Variants in ONECUT3 observed in about 807,000 individuals in gnomAD.
ONECUT3 encodes one cut domain family member 3.
ONECUT3 carries 11 observed loss-of-function variants against 16.8 expected under a neutral mutation model. The observed-to-expected ratio is 0.66, with a 90% CI of 0.41 to 1.09. The LOEUF is 1.09. Ranked by LOEUF, ONECUT3 falls within the 50% of genes least tolerant of loss-of-function variation. The pLI is 0.00. For missense variants in ONECUT3, 637 were observed against 629.9 expected, an observed-to-expected ratio of 1.01 and a Z score of -0.12; for synonymous variants, 344 against 310.7, an observed-to-expected ratio of 1.11 and a Z score of -1.13.
intron 1 of ONECUT3, among the ~76,000 whole-genome samples, chr19:1,761,121 C>G (rs1387322914): frequency 6.8e-6 from 1 of 148,082 alleles, no homozygotes; most frequent in East Asian, 2.0e-4. Context: ...GGCGCAACCT[C>G]GGCTCACTGC....
intron 1 of ONECUT3, among the ~76,000 whole-genome samples, chr19:1,768,153 G>C (rs1488223027): frequency 6.6e-6 from 1 of 152,116 alleles, no homozygotes; most frequent in African/African-American, 2.4e-5. Context: ...CCTGGACAGA[G>C]CAGGTGAATT....
chr19:1,753,744 G>T lies in ONECUT3; in HGVS notation c.82G>T (p.Ala28Ser), dbSNP rs986948653. 5.1e-5 allele frequency: 52 copies of T among 1,019,580 alleles called. No homozygotes were observed. In the Admixed American group the frequency reaches 1.4e-3, roughly 28 times the overall value. 63.2% of individuals were successfully genotyped at this position (1,019,580 alleles called of 1,614,324 possible). Residue 28 changes from alanine to serine, a missense_variant, in exon 1 of 2, where the codon GCG becomes TCG. Ala to Ser is a moderately conservative substitution (Grantham distance 99). This residue lies in a region of ONECUT3 where 419 missense variants were observed against 377.9 expected (regional missense o/e 1.11). Transcript: ENST00000382349. ...QAGELLSPGH[A>S]RSAAAQHRGL... is the part of the protein sequence containing the mutation. ...GGGCGAGCTGCTGAGCCCGGGCCACGCGCGCTCGGCGGCGGCGCAGCACCG... is the reference window on the plus strand; with the variant it reads ...GGGCGAGCTGCTGAGCCCGGGCCACTCGCGCTCGGCGGCGGCGCAGCACCG...
intron 1 of ONECUT3, among the ~76,000 whole-genome samples, chr19:1,774,417 CAAA>C (rs58392959): frequency 1.4e-5 from 2 of 146,096 alleles, no homozygotes; most frequent in Non-Finnish European, 3.0e-5. Context: ...TTCCCCTCCG[CAAA>C]AAAAAAAAAG....
At position 1,759,188 on chromosome 19, in the gene ONECUT3, G is replaced by A. The variant is rs911198427; in HGVS notation, c.1192+4334G>A. On this transcript the variant is annotated intron_variant, in intron 1 of 1. Transcript: ENST00000382349. The surrounding 1 kb of genome is among the most constrained non-coding windows in gnomAD (Gnocchi z 4.1). The stretch of plus-strand genomic sequence containing the variant: ...GAGTTGCATGCTGAGGGCAGCTGGT[G>A]CAGGAATTGGGCACCTCTGTTTGGT... Among the ~76,000 whole-genome samples, 2 of 152,212 alleles carry A rather than the reference G, an allele frequency of 1.3e-5. No homozygotes were observed. The highest frequency in any genetic ancestry group is 2.4e-5 in the African/African-American group (1 of 41,454).
chr19:1,775,394 C>T lies in ONECUT3; in HGVS notation c.1434C>T (p.Ser478=). ...RCMNRWAEEP[S]TAPGGPAGAT... ...TGAACCGCTGGGCTGAGGAGCCCAG[C>T]ACGGCCCCCGGGGGCCCCGCCGGCG... Residue 478 remains serine, a synonymous_variant, in exon 2 of 2, where the codon AGC becomes AGT. Transcript: ENST00000382349. 1 of 1,518,488 alleles carries T rather than the reference C, an allele frequency of 6.6e-7. No individual in the cohort carries two copies. Among genetic ancestry groups the T allele is most frequent in the Non-Finnish European group, 8.8e-7 (1 of 1,136,344 alleles). 94.1% of individuals were successfully genotyped at this position (1,518,488 alleles called of 1,614,324 possible).
intron 1 of ONECUT3, among the ~76,000 whole-genome samples, chr19:1,760,894 G>A (rs781082890): frequency 6.6e-6 from 1 of 152,126 alleles, no homozygotes; most frequent in Non-Finnish European, 1.5e-5. Context: ...TTAGCCTGAA[G>A]TCCTAGAAGT....
At position 1,766,948 on chromosome 19, in the gene ONECUT3, G is replaced by A. The variant is rs1049954877; in HGVS notation, c.1193-8205G>A. Among the ~76,000 whole-genome samples, 3 of 152,074 alleles carry A rather than the reference G, an allele frequency of 2.0e-5. No homozygotes were observed. Among genetic ancestry groups the A allele is most frequent in the Non-Finnish European group, 4.4e-5 (3 of 68,008 alleles). ...TCAGGCCCCACGAGGCTAAAAGGAG[G>A]AACAGTGGCCCCTGGGAGTCCCAGA... On this transcript the variant is annotated intron_variant, in intron 1 of 1. Transcript: ENST00000382349. This position sits in a 1 kb window ranked among gnomAD's most constrained non-coding sequence, Gnocchi z 4.0.
At position 1,758,314 on chromosome 19, in the gene ONECUT3, AAAG is replaced by A. The variant is rs577599039; in HGVS notation, c.1192+3462_1192+3464del. Reference sequence around the variant, plus strand: ...GGCAGAGAGACCAAAAAAAAAAAAAAAAGAGAGAGAGAGAGAGAGAGACAGAGA... The same window carrying A: ...GGCAGAGAGACCAAAAAAAAAAAAAAAGAGAGAGAGAGAGAGAGACAGAGA... On this transcript the variant is annotated intron_variant, in intron 1 of 1. Transcript: ENST00000382349. The surrounding 1 kb of genome is among the most constrained non-coding windows in gnomAD (Gnocchi z 5.9). Among the ~76,000 whole-genome samples the A allele has an allele frequency of 0.19, 23,806 of 123,490 alleles. 2,222 individuals carry two copies. Among genetic ancestry groups the A allele is most frequent in the East Asian group, 0.25 (1,012 of 4,044 alleles). 81.0% of individuals were successfully genotyped at this position (123,490 alleles called of 152,430 possible).
chr19:1,757,939 C>T (rs1372210252), intron 1 of ONECUT3, among the ~76,000 whole-genome samples: 5 of 152,238 alleles, frequency 3.3e-5, no homozygotes, highest in African/African-American at 9.6e-5. Flanking sequence ...CCGGCATCCC[C>T]ATTCCCCGCT....
Position 1,754,661 on chromosome 19 carries a change from G to A in ONECUT3, c.999G>A (p.Glu333=), listed in dbSNP as rs1408403149. 1.3e-6 allele frequency: 2 copies of A among 1,520,406 alleles called. No homozygotes were observed. Among genetic ancestry groups the A allele is most frequent in the Admixed American group, 2.1e-5 (1 of 47,930 alleles). 94.2% of individuals were successfully genotyped at this position (1,520,406 alleles called of 1,614,324 possible). Reference sequence around the variant, plus strand: ...AGGTGGCGCAGCGCATCACGGCGGAGCTGAAGCGCTACAGCATCCCGCAGG... The same window carrying A: ...AGGTGGCGCAGCGCATCACGGCGGAACTGAAGCGCTACAGCATCCCGCAGG... ...TKEVAQRITA[E]LKRYSIPQAI... is the part of the protein sequence containing the mutation. Residue 333 remains glutamate (E), a synonymous_variant, in exon 1 of 2, where the codon GAG becomes GAA. Coordinates refer to ENST00000382349, the MANE Select transcript of ONECUT3 (RefSeq NM_001080488.2). The surrounding 1 kb of genome is among the most constrained non-coding windows in gnomAD (Gnocchi z 7.4).
rs2145955100 is a variant in ONECUT3 at position 1,754,639 on chromosome 19, T to G, written c.977T>G (p.Val326Gly). 1 of 1,501,710 alleles carries G rather than the reference T, an allele frequency of 6.7e-7. No homozygotes were observed. Among genetic ancestry groups the G allele is most frequent in the Admixed American group, 2.1e-5 (1 of 46,532 alleles). The allele number at this position is 1,501,710 out of a possible 1,614,324, so 93.0% of individuals were successfully genotyped here. ...AAAEEINTKE[V>G]AQRITAELKR... The stretch of plus-strand genomic sequence containing the variant: ...GCCGAGGAGATCAACACCAAGGAGG[T>G]GGCGCAGCGCATCACGGCGGAGCTG... Residue 326 changes from valine to glycine, a missense_variant, in exon 1 of 2, where the codon GTG becomes GGG. By Grantham distance (109) the Val-to-Gly change is moderately radical. Transcript: ENST00000382349. This position sits in a 1 kb window ranked among gnomAD's most constrained non-coding sequence, Gnocchi z 7.4.
chr19:1,772,844 C>G (rs938804629), intron 1 of ONECUT3, among the ~76,000 whole-genome samples: 4 of 149,916 alleles, frequency 2.7e-5, no homozygotes, highest in African/African-American at 9.8e-5. Flanking sequence ...CAGGCATGCA[C>G]CACCACGTCC....
chr19:1,769,070 G>A (rs2068027852), intron 1 of ONECUT3, among the ~76,000 whole-genome samples: 1 of 147,516 alleles, frequency 6.8e-6, no homozygotes. Context: ...GGAGGTGGAG[G>A]TGGTGGAAGT....
intron 1 of ONECUT3, among the ~76,000 whole-genome samples, chr19:1,756,116 G>C (rs565399670): frequency 6.6e-6 from 1 of 152,158 alleles, no homozygotes; most frequent in African/African-American, 2.4e-5. Flanking sequence ...CAGGCAGGGG[G>C]GCTGGGCGAA....
chr19:1,758,098 G>A lies in ONECUT3; in HGVS notation c.1192+3244G>A, dbSNP rs1404624621. On this transcript the variant is annotated intron_variant, in intron 1 of 1. Transcript: ENST00000382349. This position sits in a 1 kb window ranked among gnomAD's most constrained non-coding sequence, Gnocchi z 5.9. The stretch of plus-strand genomic sequence containing the variant: ...GCGCCGGGGCCAGGACAGAGACGGG[G>A]ACAGGGAGGGAGAAAGACCCGCAGG... Among the ~76,000 whole-genome samples the A allele has an allele frequency of 6.6e-6, 1 of 152,162 alleles. No individual in the cohort carries two copies. The highest frequency in any genetic ancestry group is 2.4e-5 in the African/African-American group (1 of 41,428).
At chr19:1,763,738 T>TG (rs947692556) in intron 1 of ONECUT3, among the ~76,000 whole-genome samples, 3 of 148,338 alleles carry the variant, frequency 2.0e-5, no homozygotes, top group Non-Finnish European at 3.0e-5. Context: ...TTTTGTTTTT[T>TG]TTTTTTTTTT....
At chr19:1,757,278 C>G (rs1360027101) in intron 1 of ONECUT3, among the ~76,000 whole-genome samples, 1 of 152,260 alleles carries the variant, frequency 6.6e-6, no homozygotes, top group African/African-American at 2.4e-5. Flanking sequence ...CCTCCGCCGT[C>G]CCCTTTCTGC....
In ONECUT3 at chr19:1,775,602, A is replaced by AC. The variant is rs1277990009; in HGVS notation, c.*163dup. On this transcript the variant is annotated 3_prime_UTR_variant, in exon 2 of 2. Coordinates refer to ENST00000382349, the MANE Select transcript of ONECUT3 (RefSeq NM_001080488.2). ...ACACCCGGGGAGGGGGAAGCAGCAC[A>AC]CCCCCCAGCCCAAGTGCACAAAAAG... 4 of 637,676 alleles carry AC rather than the reference A, an allele frequency of 6.3e-6. No homozygotes were observed. The African/African-American group carries it at 6.4e-5, about 10-fold the overall frequency. The allele number at this position is 637,676 out of a possible 1,614,324, so 39.5% of individuals were successfully genotyped here.
At position 1,776,045 on chromosome 19, in the gene ONECUT3, C is replaced by G. The variant is rs1000139703; in HGVS notation, c.*600C>G. On this transcript the variant is annotated 3_prime_UTR_variant, in exon 2 of 2. Coordinates refer to ENST00000382349, the MANE Select transcript of ONECUT3 (RefSeq NM_001080488.2). This position sits in a 1 kb window ranked among gnomAD's most constrained non-coding sequence, Gnocchi z 4.9. ...AACCCCACCCGCTGGCAGGACGGCCCCTGCGGCCGAGAACTGAGCTGCCCC... is the reference window on the plus strand; with the variant it reads ...AACCCCACCCGCTGGCAGGACGGCCGCTGCGGCCGAGAACTGAGCTGCCCC... The G allele has an allele frequency of 6.6e-6, 1 of 152,264 alleles. No homozygotes were observed. Among genetic ancestry groups the G allele is most frequent in the Non-Finnish European group, 1.5e-5 (1 of 68,130 alleles). 9.4% of individuals were successfully genotyped at this position (152,264 alleles called of 1,614,324 possible).
Sources: gnomAD v4.1 joint callset for allele counts (sites outside exome capture counted in the v4.1 genomes callset) on GRCh38, gnomAD v4.1.1 for gene constraint, gnomAD v4.1.1 regional missense constraint, Gnocchi (gnomAD v3.1) non-coding constraint, MANE v1.5 for transcripts, NCBI Gene and HGNC (gene_info 2026-07-23, HGNC 2026-07-21) for gene names.